Variants in ZGRF1 observed in about 807,000 individuals in gnomAD.
ZGRF1 encodes the protein zinc finger GRF-type containing 1.
A neutral mutation model predicts 203.5 loss-of-function variants in ZGRF1; 196 were observed. The observed-to-expected ratio is 0.96, with a 90% CI of 0.86 to 1.08. The LOEUF (loss-of-function observed/expected upper bound fraction) is 1.08. Among genes scored for constraint, ZGRF1 ranks in the 50% least tolerant of loss-of-function variants. The pLI is 0.00. For missense variants in ZGRF1, 2,326 were observed against 2,416.3 expected (o/e 0.96, Z 0.78); for synonymous variants, 809 against 841.3 (o/e 0.96, Z 0.66).
intron 10 of ZGRF1, among the ~76,000 whole-genome samples, chr4:112,602,853 G>A (rs774307925): frequency 1.1e-4 from 16 of 152,182 alleles, no homozygotes; most frequent in Non-Finnish European, 1.5e-4. Context: ...ATGGTTATAA[G>A]TCAAGACAGT....
In ZGRF1 at chr4:112,619,584, G is replaced by A. The variant is rs1182283502; in HGVS notation, c.458C>T (p.Pro153Leu). 1 of 1,613,906 alleles carries A rather than the reference G, an allele frequency of 6.2e-7. No individual in the cohort carries two copies. Reference sequence around the variant, plus strand: ...AAACAAAGGAGGCATGCTGCAGAATGGAGAAAAAATAGTAGGGCCAGTTTT... The same window carrying A: ...AAACAAAGGAGGCATGCTGCAGAATAGAGAAAAAATAGTAGGGCCAGTTTT... ...AKKTGPTIFS[P>L]FCSMPPLFPT... is the part of the protein sequence containing the mutation. The change falls in exon 6 of 28, where the codon CCA becomes CTA. Residue 153 changes from proline (P) to leucine (L), a missense_variant. By Grantham distance (98) the Pro-to-Leu change is moderately conservative (BLOSUM62 -3). Coordinates refer to ENST00000505019, the MANE Select transcript of ZGRF1 (RefSeq NM_018392.5).
intron 24 of ZGRF1, among the ~76,000 whole-genome samples, chr4:112,541,610 C>T (rs1222100192): frequency 6.6e-6 from 1 of 150,638 alleles, no homozygotes; most frequent in Non-Finnish European, 1.5e-5. Context: ...CTCACTGCAA[C>T]CTCCACCTCC....
At chr4:112,603,011 C>CT (rs33921637) in intron 10 of ZGRF1, among the ~76,000 whole-genome samples, 2 of 151,728 alleles carry the variant, frequency 1.3e-5, no homozygotes, top group Non-Finnish European at 2.9e-5. Context: ...ATGTATTATG[C>CT]TTTTTTTTCT....
intron 10 of ZGRF1, among the ~76,000 whole-genome samples, chr4:112,594,849 T>C (rs1748730318): frequency 6.6e-6 from 1 of 152,354 alleles, no homozygotes; most frequent in East Asian, 1.9e-4. Context: ...TCTTCCTTTA[T>C]AATTATGCAT....
At chr4:112,608,254 C>A (rs1203051507) in intron 8 of ZGRF1, among the ~76,000 whole-genome samples, 1 of 152,166 alleles carries the variant, frequency 6.6e-6, no homozygotes, top group African/African-American at 2.4e-5. Flanking sequence ...TAAGTGGCAA[C>A]TCATTCTAAG....
intron 16 of ZGRF1, among the ~76,000 whole-genome samples, chr4:112,564,358 A>C (rs1252202476): frequency 6.6e-6 from 1 of 152,210 alleles, no homozygotes; most frequent in Non-Finnish European, 1.5e-5. Flanking sequence ...AACGTGTGGA[A>C]GCCCTGAAAG....
chr4:112,580,971 A>T (rs1053278808), intron 16 of ZGRF1, among the ~76,000 whole-genome samples: 47 of 152,152 alleles, frequency 3.1e-4, no homozygotes, highest in African/African-American at 9.2e-4. Context: ...ATAAAGACAC[A>T]TGCACATGTA....
Position 112,619,069 on chromosome 4 carries a change from T to TTTTA in ZGRF1, c.969_972dup (p.Ser325Ter). 6.2e-7 allele frequency: 1 copy of TTTTA among 1,613,986 alleles called. No individual in the cohort carries two copies. The highest frequency in any genetic ancestry group is 8.5e-7 in the Non-Finnish European group (1 of 1,179,948). On this transcript the variant is annotated stop_gained and frameshift_variant, in exon 6 of 28. Transcript: ENST00000505019. LOFTEE classifies it high-confidence loss of function. Reference sequence around the variant, plus strand: ...GAGGATAAATACATGGCCCACCGGCTTTTATTTCTCATGGTATTTTCTGAT... The same window carrying TTTTA: ...GAGGATAAATACATGGCCCACCGGCTTTTATTTATTTCTCATGGTATTTTCTGAT...
intron 11 of ZGRF1, among the ~76,000 whole-genome samples, chr4:112,589,387 T>A (rs1368004847): frequency 6.6e-6 from 1 of 152,150 alleles, no homozygotes; most frequent in African/African-American, 2.4e-5. Context: ...ACACTTGCAA[T>A]GAGTCATTCC....
intron 10 of ZGRF1, among the ~76,000 whole-genome samples, chr4:112,602,550 G>C (rs1750144977): frequency 6.6e-6 from 1 of 152,178 alleles, no homozygotes. Flanking sequence ...ACCAACATAA[G>C]TATGTCACGC....
rs1051492949 is a variant in ZGRF1 at position 112,548,277 on chromosome 4, G to A, written c.5450C>T (p.Pro1817Leu). 11 of 1,551,986 alleles carry A rather than the reference G, an allele frequency of 7.1e-6. No individual in the cohort carries two copies. In the South Asian group the frequency reaches 7.1e-5, roughly 10 times the overall value. Residue 1817 changes from proline (P) to leucine (L), a missense_variant, in exon 23 of 28, where the codon CCG becomes CTG. Coordinates refer to ENST00000505019, the MANE Select transcript of ZGRF1 (RefSeq NM_018392.5). ...VLDECSQITE[P>L]ASLLPIARFE... ...CCTTGCAATGGGAAGGAGAGAGGCCGGTTCAGTTATCTGACTACACTCATC... is the reference window on the plus strand; with the variant it reads ...CCTTGCAATGGGAAGGAGAGAGGCCAGTTCAGTTATCTGACTACACTCATC...
chr4:112,554,229 T>A (rs1348605171), intron 21 of ZGRF1, among the ~76,000 whole-genome samples: 1 of 117,122 alleles, frequency 8.5e-6, no homozygotes, highest in Admixed American at 1.2e-4. Context: ...CACGCCCCAG[T>A]GTGTGATGTT....
At chr4:112,550,316 A>C (rs1739694709) in intron 22 of ZGRF1, among the ~76,000 whole-genome samples, 1 of 152,118 alleles carries the variant, frequency 6.6e-6, no homozygotes, top group South Asian at 2.1e-4. Context: ...GTTTTCAACA[A>C]TTAAAAAAAA....
At chr4:112,604,554 G>T (rs1156709234) in intron 9 of ZGRF1, among the ~76,000 whole-genome samples, 1 of 152,176 alleles carries the variant, frequency 6.6e-6, no homozygotes, top group Non-Finnish European at 1.5e-5. Context: ...GCCAGTAACA[G>T]AAAGGGAACA....
At chr4:112,623,015 G>T (rs1378441256) in intron 4 of ZGRF1, among the ~76,000 whole-genome samples, 1 of 151,884 alleles carries the variant, frequency 6.6e-6, no homozygotes, top group Admixed American at 6.6e-5. Context: ...TGTTGTTCCC[G>T]TTTGTCCATG....
chr4:112,553,094 A>G (rs2148859358), intron 22 of ZGRF1, among the ~76,000 whole-genome samples: 1 of 152,368 alleles, frequency 6.6e-6, no homozygotes. Context: ...GCTGATCAAT[A>G]CAGTGTCCCA....
At chr4:112,617,310 A>G in intron 6 of ZGRF1, 130 bp downstream of exon 6, 1 of 596,114 alleles carries the variant, frequency 1.7e-6, no homozygotes, top group South Asian at 3.9e-5. Flanking sequence ...TATTGGTTTT[A>G]CCAAGTACAT....
intron 20 of ZGRF1, among the ~76,000 whole-genome samples, chr4:112,555,760 A>C (rs759694563): frequency 2.0e-5 from 3 of 152,208 alleles, no homozygotes; most frequent in Non-Finnish European, 4.4e-5. Flanking sequence ...AGGTTATTTC[A>C]GTGTGAAGAA....
chr4:112,587,602 G>A lies in ZGRF1; in HGVS notation c.3455C>T (p.Thr1152Ile). Residue 1152 changes from threonine (T) to isoleucine (I), a missense_variant, in exon 12 of 28, where the codon ACA becomes ATA. By Grantham distance (89) the Thr-to-Ile change is moderately conservative (BLOSUM62 -1). Transcript: ENST00000505019. ...TQSKWLKYQN[T>I]SQCNVATPNR... Reference sequence around the variant, plus strand: ...TGGAGTAGCCACGTTGCATTGGGATGTGTTTTGATATTTCAGCCACTTGCT... The same window carrying A: ...TGGAGTAGCCACGTTGCATTGGGATATGTTTTGATATTTCAGCCACTTGCT... The A allele has an allele frequency of 6.2e-7, 1 of 1,613,832 alleles. No homozygotes were observed. Among genetic ancestry groups the A allele is most frequent in the Middle Eastern group, 1.6e-4 (1 of 6,062 alleles).
Sources: allele counts gnomAD v4.1 joint callset (sites outside exome capture counted in the v4.1 genomes callset), GRCh38; gene constraint gnomAD v4.1.1; transcripts MANE v1.5; gene names NCBI Gene and HGNC (gene_info 2026-07-23, HGNC 2026-07-21).